Variants in SUGCT observed in about 807,000 individuals in gnomAD.
The protein encoded by SUGCT is succinyl-CoA:glutarate-CoA transferase, also known as succinyl-CoA:glutarate CoA-transferase.
Under a neutral mutation model 55.0 loss-of-function variants are expected in SUGCT, and 41 were observed. The ratio of observed to expected loss-of-function variants is 0.74; its 90% CI spans 0.58 to 0.97. The LOEUF is 0.97. SUGCT is among the 50% of genes least tolerant of loss of function. SUGCT has a pLI of 0.00. For synonymous variants in SUGCT, 187 were observed against 200.4 expected, an observed-to-expected ratio of 0.93 and a Z score of 0.56; for missense variants, 568 against 547.8, an observed-to-expected ratio of 1.04 and a Z score of -0.37.
intron 7 of SUGCT, among the ~76,000 whole-genome samples, chr7:40,247,991 A>G (rs925520099): frequency 4.9e-5 from 7 of 142,494 alleles, no homozygotes; most frequent in African/African-American, 1.8e-4. Flanking sequence ...TATAGTTGTG[A>G]TTCTTGTGTT....
At chr7:40,484,040 A>C (rs1373794201) in intron 11 of SUGCT, among the ~76,000 whole-genome samples, 2 of 152,224 alleles carry the variant, frequency 1.3e-5, no homozygotes, top group African/African-American at 2.4e-5. Flanking sequence ...AGCAATTTAC[A>C]ACTACTATAA....
chr7:40,581,510 G>C (rs1797089204), intron 12 of SUGCT, among the ~76,000 whole-genome samples: 1 of 152,076 alleles, frequency 6.6e-6, no homozygotes, highest in Non-Finnish European at 1.5e-5. Context: ...GGAAAGATGT[G>C]GAAATTAATT....
the SUGCT span, among the ~76,000 whole-genome samples, chr7:41,010,970 A>T: frequency 6.6e-6 from 1 of 152,204 alleles, no homozygotes; most frequent in East Asian, 1.9e-4. Flanking sequence ...TGGTTAAAAA[A>T]CAAACAAACA....
the SUGCT span, among the ~76,000 whole-genome samples, chr7:41,026,289 A>G: frequency 6.6e-6 from 1 of 152,076 alleles, no homozygotes; most frequent in Non-Finnish European, 1.5e-5. Flanking sequence ...ATGTTTTCTC[A>G]TCTTTACCTG....
intron 2 of SUGCT, among the ~76,000 whole-genome samples, chr7:40,181,321 TAGTA>T (rs2150708503): frequency 6.6e-6 from 1 of 152,290 alleles, no homozygotes; most frequent in East Asian, 1.9e-4. Flanking sequence ...AAAAGTGAAA[TAGTA>T]ATTAATATAT....
chr7:40,269,745 C>G (rs1380558395), intron 7 of SUGCT, among the ~76,000 whole-genome samples: 3 of 152,122 alleles, frequency 2.0e-5, no homozygotes, highest in Non-Finnish European at 4.4e-5. Flanking sequence ...TGTTTAATGA[C>G]CATTTGTATA....
chr7:40,953,296 G>T, the SUGCT span, among the ~76,000 whole-genome samples: 1 of 152,166 alleles, frequency 6.6e-6, no homozygotes. Flanking sequence ...ATGGTTTTCA[G>T]CTCCATCAGG....
chr7:40,484,015 C>T (rs1380720014), intron 11 of SUGCT, among the ~76,000 whole-genome samples: 1 of 152,150 alleles, frequency 6.6e-6, no homozygotes, highest in Non-Finnish European at 1.5e-5. Flanking sequence ...TTTACTGTTA[C>T]TATGCAGTGT....
Position 40,666,355 on chromosome 7 carries a change from A to AAGGAAGGAAGGAAGGAAGG in SUGCT, c.1090-83078_1090-83077insGGAAGGAAGGAAGGAAGGA, listed in dbSNP as rs1801630722. Among the ~76,000 whole-genome samples, 72 of 121,846 alleles carry AAGGAAGGAAGGAAGGAAGG rather than the reference A, an allele frequency of 5.9e-4. 1 individual carries two copies. The highest frequency in any genetic ancestry group is 2.6e-3 in the African/African-American group (67 of 25,950). 79.9% of individuals were successfully genotyped at this position (121,846 alleles called of 152,430 possible). ...AGAGCAAGACTCTGTCTCAAGAAAGAAAGGAAGGAAGGAAGGAAGGAAGGA... is the reference window on the plus strand; with the variant it reads ...AGAGCAAGACTCTGTCTCAAGAAAGAAGGAAGGAAGGAAGGAAGGAAGGAAGGAAGGAAGGAAGGAAGGA... On this transcript the variant is annotated intron_variant, in intron 12 of 13. Coordinates refer to ENST00000335693, the MANE Select transcript of SUGCT (RefSeq NM_001193313.2).
At chr7:40,504,116 T>C (rs2151536121) in intron 12 of SUGCT, among the ~76,000 whole-genome samples, 1 of 152,280 alleles carries the variant, frequency 6.6e-6, no homozygotes, top group East Asian at 1.9e-4. Flanking sequence ...ATATAAAACT[T>C]TTCATTTATA....
At chr7:40,205,640 C>CAGAA (rs1786925973) in intron 6 of SUGCT, among the ~76,000 whole-genome samples, 1 of 77,464 alleles carries the variant, frequency 1.3e-5, no homozygotes, top group Non-Finnish European at 2.5e-5. Flanking sequence ...AACTTCATCT[C>CAGAA]AAAAAAAAAA....
intron 12 of SUGCT, among the ~76,000 whole-genome samples, chr7:40,722,786 C>T (rs1342017788): frequency 6.6e-6 from 1 of 152,144 alleles, no homozygotes; most frequent in African/African-American, 2.4e-5. Flanking sequence ...CATATCTTTT[C>T]AAATTGCCCC....
chr7:40,592,860 C>A (rs573286960), intron 12 of SUGCT, among the ~76,000 whole-genome samples: 73 of 152,016 alleles, frequency 4.8e-4, no homozygotes, highest in Non-Finnish European at 8.8e-4. Context: ...GGGTATGGTC[C>A]CTAGAGGTCA....
chr7:40,678,950 C>T (rs1012516522), intron 12 of SUGCT, among the ~76,000 whole-genome samples: 3 of 152,158 alleles, frequency 2.0e-5, no homozygotes, highest in Non-Finnish European at 4.4e-5. Flanking sequence ...TTAGCCACTT[C>T]AGCTCATAAT....
At chr7:40,412,674 T>C (rs577916332) in intron 9 of SUGCT, among the ~76,000 whole-genome samples, 61 of 152,214 alleles carry the variant, frequency 4.0e-4, no homozygotes, top group Non-Finnish European at 6.8e-4. Context: ...TCATCAATCT[T>C]GCCTGGATTG....
intron 12 of SUGCT, among the ~76,000 whole-genome samples, chr7:40,575,767 GA>G (rs1796708919): frequency 6.6e-6 from 1 of 151,836 alleles, no homozygotes. Context: ...CCAACATAGT[GA>G]AACCCTGTCT....
chr7:40,378,803 A>G (rs1394191927), intron 9 of SUGCT, among the ~76,000 whole-genome samples: 3 of 152,150 alleles, frequency 2.0e-5, no homozygotes, highest in Non-Finnish European at 2.9e-5. Context: ...TCTTTAGGAC[A>G]TGCTTTTCTT....
At chr7:40,506,907 C>T (rs1021215422) in intron 12 of SUGCT, among the ~76,000 whole-genome samples, 1 of 152,162 alleles carries the variant, frequency 6.6e-6, no homozygotes, top group Non-Finnish European at 1.5e-5. Flanking sequence ...ATAATTTCTA[C>T]CTCCTTATTG....
At chr7:40,626,498 C>T (rs746073257) in intron 12 of SUGCT, among the ~76,000 whole-genome samples, 15 of 151,914 alleles carry the variant, frequency 9.9e-5, no homozygotes, top group South Asian at 2.1e-4. Context: ...GTGATCCACC[C>T]GCCTCAGCCT....
Sources: allele counts gnomAD v4.1 joint callset (sites outside exome capture counted in the v4.1 genomes callset), GRCh38; gene constraint gnomAD v4.1.1; transcripts MANE v1.5; gene names NCBI Gene and HGNC (gene_info 2026-07-23, HGNC 2026-07-21).